Variants in ZRANB3 observed in about 807,000 individuals in gnomAD.
ZRANB3 encodes zinc finger RANBP2-type containing 3.
ZRANB3 carries 125 observed loss-of-function variants against 133.8 expected under a neutral mutation model. That is an observed-to-expected ratio of 0.93 (90% CI 0.81 to 1.08). The LOEUF is 1.08. Among genes scored for constraint, ZRANB3 ranks in the 50% least tolerant of loss-of-function variants. The probability of loss-of-function intolerance (pLI) is 0.00; values close to 1 mark genes in which losing one functional copy is unlikely to be tolerated. For missense variants in ZRANB3, 1,229 were observed against 1,275.5 expected (o/e 0.96, Z 0.56); for synonymous variants, 387 against 432.7 (o/e 0.89, Z 1.31).
chr2:135,510,833 G>A (rs1693419874), intron 1 of ZRANB3: 3 of 869,124 alleles, frequency 3.5e-6, no homozygotes, highest in Non-Finnish European at 6.0e-6. Context: ...CACTGTTAAT[G>A]TGCAACTCCA....
At chr2:135,346,394 C>T (rs1304472704) in intron 5 of ZRANB3, among the ~76,000 whole-genome samples, 1 of 152,158 alleles carries the variant, frequency 6.6e-6, no homozygotes, top group Non-Finnish European at 1.5e-5. Context: ...GCCACCACGC[C>T]CAGCCTATTT....
chr2:135,405,313 C>T (rs1687957387), intron 2 of ZRANB3, among the ~76,000 whole-genome samples: 1 of 152,200 alleles, frequency 6.6e-6, no homozygotes, highest in South Asian at 2.1e-4. Context: ...CACCCAGATT[C>T]ATAAAGCAAG....
At chr2:135,440,495 G>A (rs1003964834) in intron 2 of ZRANB3, among the ~76,000 whole-genome samples, 5 of 152,128 alleles carry the variant, frequency 3.3e-5, no homozygotes, top group African/African-American at 1.2e-4. Flanking sequence ...CAAGAAGGAT[G>A]CTATATGCTA....
At chr2:135,324,281 T>C (rs1231568471) in intron 6 of ZRANB3, among the ~76,000 whole-genome samples, 1 of 145,636 alleles carries the variant, frequency 6.9e-6, no homozygotes, top group African/African-American at 2.5e-5. Context: ...CTTTCCTGTG[T>C]CCAAGTGTTC....
At chr2:135,207,864 T>C in intron 18 of ZRANB3, 28 bp from the exon 19 acceptor site, 1 of 1,566,098 alleles carries the variant, frequency 6.4e-7, no homozygotes, top group South Asian at 1.2e-5. Context: ...ACTGAATAGG[T>C]AACTAATGAA....
Position 135,403,263 on chromosome 2 carries a change from T to C in ZRANB3, c.162-12443A>G, listed in dbSNP as rs574745574. 6.6e-5 allele frequency among the ~76,000 whole-genome samples: 10 copies of C among 152,290 alleles called. No homozygotes were observed. The East Asian group carries it at 1.7e-3, about 27-fold the overall frequency. Reference sequence around the variant, plus strand: ...TCAGGTCCCTCCCACCCTAATACTGTGCTTTTCTAACGGTCTTAGCAAATG... The same window carrying C: ...TCAGGTCCCTCCCACCCTAATACTGCGCTTTTCTAACGGTCTTAGCAAATG... On this transcript the variant is annotated intron_variant, in intron 2 of 20. Transcript: ENST00000264159.
intron 2 of ZRANB3, among the ~76,000 whole-genome samples, chr2:135,503,362 TTAA>T (rs1018423967): frequency 1.3e-5 from 2 of 152,182 alleles, no homozygotes; most frequent in Non-Finnish European, 2.9e-5. Context: ...TGGCAAAATG[TTAA>T]TAATAAACTG....
At chr2:135,266,334 CAT>C (rs1415186361) in intron 11 of ZRANB3, among the ~76,000 whole-genome samples, 1 of 152,194 alleles carries the variant, frequency 6.6e-6, no homozygotes, top group Non-Finnish European at 1.5e-5. Context: ...TACTCCCTAA[CAT>C]ATTTCTTTTG....
intron 2 of ZRANB3, among the ~76,000 whole-genome samples, chr2:135,474,450 G>T (rs1365235816): frequency 6.6e-6 from 1 of 152,094 alleles, no homozygotes; most frequent in African/African-American, 2.4e-5. Flanking sequence ...GCTCATGGGG[G>T]TGTGGTGCCC....
chr2:135,303,862 A>G (rs548421412), intron 8 of ZRANB3, among the ~76,000 whole-genome samples: 2 of 152,270 alleles, frequency 1.3e-5, no homozygotes, highest in East Asian at 3.9e-4. Context: ...TTTTTTGTTG[A>G]CTTTATTCTA....
chr2:135,495,347 A>G (rs1434767598), intron 2 of ZRANB3, among the ~76,000 whole-genome samples: 1 of 152,228 alleles, frequency 6.6e-6, no homozygotes, highest in Non-Finnish European at 1.5e-5. Flanking sequence ...ATATTATAGT[A>G]TTGCATATTA....
intron 2 of ZRANB3, among the ~76,000 whole-genome samples, chr2:135,427,093 C>G (rs930904405): frequency 6.6e-6 from 1 of 151,218 alleles, no homozygotes; most frequent in African/African-American, 2.4e-5. Context: ...CTACAACAAA[C>G]CCACAGCCAA....
At chr2:135,497,354 TAAGAAGTATG>T (rs1692719786) in intron 2 of ZRANB3, among the ~76,000 whole-genome samples, 1 of 152,154 alleles carries the variant, frequency 6.6e-6, no homozygotes, top group Non-Finnish European at 1.5e-5. Flanking sequence ...AAAGCTACGC[TAAGAAGTATG>T]AAGAAGTATG....
chr2:135,465,034 A>T (rs1404396142), intron 2 of ZRANB3, among the ~76,000 whole-genome samples: 2 of 152,214 alleles, frequency 1.3e-5, no homozygotes, highest in Non-Finnish European at 2.9e-5. Flanking sequence ...TTCAGTCTAT[A>T]GGAGAGCAAA....
At chr2:135,288,174 G>T (rs183862486) in intron 8 of ZRANB3, among the ~76,000 whole-genome samples, 1 of 152,228 alleles carries the variant, frequency 6.6e-6, no homozygotes, top group East Asian at 1.9e-4. Flanking sequence ...TGCCTTTTCT[G>T]CATCTATTGA....
At chr2:135,228,766 GA>G in intron 13 of ZRANB3, among the ~76,000 whole-genome samples, 1 of 152,110 alleles carries the variant, frequency 6.6e-6, no homozygotes, top group East Asian at 1.9e-4. Context: ...GGCAGTGGTA[GA>G]AATATAAATC....
At chr2:135,259,423 T>C (rs558714388) in intron 12 of ZRANB3, among the ~76,000 whole-genome samples, 1 of 151,976 alleles carries the variant, frequency 6.6e-6, no homozygotes, top group East Asian at 1.9e-4. Flanking sequence ...TTTTATTTAT[T>C]TATTTTTTGA....
At chr2:135,352,963 C>G (rs1685274939) in intron 4 of ZRANB3, among the ~76,000 whole-genome samples, 1 of 151,954 alleles carries the variant, frequency 6.6e-6, no homozygotes, top group African/African-American at 2.4e-5. Flanking sequence ...AAACACAAAG[C>G]AAATATTTTC....
rs112118522 is a variant in ZRANB3 at position 135,342,329 on chromosome 2, C to T, written c.677+3221G>A. Among the ~76,000 whole-genome samples, 503 of 150,008 alleles carry T rather than the reference C, an allele frequency of 3.4e-3. 59 individuals carry two copies. The highest frequency in any genetic ancestry group is 0.012 in the African/African-American group (466 of 39,390). ...CTGGGATTATAGGCGTGAGCCACCACGCCTGGCCGACAACTGACTTTTTAA... is the reference window on the plus strand; with the variant it reads ...CTGGGATTATAGGCGTGAGCCACCATGCCTGGCCGACAACTGACTTTTTAA... On this transcript the variant is annotated intron_variant, in intron 6 of 20. Transcript: ENST00000264159.
Sources: allele counts gnomAD v4.1 joint callset (sites outside exome capture counted in the v4.1 genomes callset), GRCh38; gene constraint gnomAD v4.1.1; transcripts MANE v1.5; gene names NCBI Gene and HGNC (gene_info 2026-07-23, HGNC 2026-07-21).